SMC1B: variants seen among roughly 807,000 people sequenced by gnomAD.
The protein encoded by SMC1B is structural maintenance of chromosomes protein 1B.
Under a neutral mutation model 157.9 loss-of-function variants are expected in SMC1B, and 60 were observed. The ratio of observed to expected loss-of-function variants is 0.38; its 90% confidence interval spans 0.31 to 0.47. The LOEUF (loss-of-function observed/expected upper bound fraction) is 0.47, where lower values mean the gene tolerates loss of function less well. SMC1B is among the 20% of genes least tolerant of loss of function. SMC1B has a pLI of 0.99. For synonymous variants in SMC1B, 445 were observed against 483.0 expected (o/e 0.92, Z 1.03); for missense variants, 1,165 against 1,426.2 (o/e 0.82, Z 2.95).
At chr22:45,392,135 GAC>G (rs2087066389) in intron 9 of SMC1B, among the ~76,000 whole-genome samples, 2 of 152,080 alleles carry the variant, frequency 1.3e-5, no homozygotes, top group Admixed American at 1.3e-4. Context: ...TTTTAGTAGA[GAC>G]AGTGTTTCAC....
chr22:45,381,595 T>C (rs911132459), intron 12 of SMC1B, among the ~76,000 whole-genome samples: 1 of 152,312 alleles, frequency 6.6e-6, no homozygotes, highest in African/African-American at 2.4e-5. Context: ...CGAAGCCCTA[T>C]ATCAGCTTTT....
Position 45,354,080 on chromosome 22 carries a change from T to A in SMC1B, c.3171A>T (p.Gln1057His). ...EARLCRQEFE[Q>H]VKKRRYDLFT... is the part of the protein sequence containing the mutation. Reference sequence around the variant, plus strand: ...AAAGATCGTATCTCCTTTTTTTCACTTGCTCGAACTCTTGCCTACACAGTC... The same window carrying A: ...AAAGATCGTATCTCCTTTTTTTCACATGCTCGAACTCTTGCCTACACAGTC... The change falls in exon 21 of 25, where the codon CAA (glutamine) becomes CAT (histidine). Residue 1057 changes from glutamine (Q) to histidine (H), a missense_variant. By Grantham distance (24) the Gln-to-His change is conservative (BLOSUM62 0). Transcript: ENST00000357450. 6.2e-7 allele frequency: 1 copy of A among 1,603,024 alleles called. No homozygotes were observed. Among genetic ancestry groups the A allele is most frequent in the South Asian group, 1.1e-5 (1 of 88,632 alleles).
chr22:45,396,532 T>A, intron 6 of SMC1B, 46 bp from the exon 7 acceptor site: 1 of 1,547,846 alleles, frequency 6.5e-7, no homozygotes, highest in South Asian at 1.2e-5. Context: ...TTAAGAAGCA[T>A]GAGAGCAAAT....
At chr22:45,376,629 G>A (rs940631170) in intron 12 of SMC1B, among the ~76,000 whole-genome samples, 2 of 151,972 alleles carry the variant, frequency 1.3e-5, no homozygotes, top group Non-Finnish European at 2.9e-5. Flanking sequence ...TTTTTGAGAA[G>A]CCATCATACC....
intron 12 of SMC1B, 64 bp from the exon 13 acceptor site, chr22:45,372,356 C>A (rs998880988): frequency 2.2e-6 from 3 of 1,382,452 alleles, no homozygotes; most frequent in African/African-American, 2.9e-5. Context: ...TTTCAAAGTG[C>A]TTTCATATGT....
At position 45,344,547 on chromosome 22, in the gene SMC1B, G is replaced by C; in HGVS notation, c.*9C>G. ...GAACAGTGATCAGGTGACTGCTGCA[G>C]GACTGCCCCTAGCGGGACTCTCCGT... On this transcript the variant is annotated 3_prime_UTR_variant, in exon 25 of 25. Coordinates refer to ENST00000357450, the MANE Select transcript of SMC1B (RefSeq NM_148674.5). 6.3e-7 allele frequency: 1 copy of C among 1,598,106 alleles called. No homozygotes were observed. The highest frequency in any genetic ancestry group is 8.6e-7 in the Non-Finnish European group (1 of 1,165,518).
intron 1 of SMC1B, among the ~76,000 whole-genome samples, chr22:45,410,017 C>T (rs1180201179): frequency 6.6e-6 from 1 of 152,184 alleles, no homozygotes; most frequent in East Asian, 1.9e-4. Context: ...TAGTGAGGTT[C>T]CCTGGTGGGC....
intron 23 of SMC1B, among the ~76,000 whole-genome samples, chr22:45,345,909 C>T (rs1174793211): frequency 6.6e-6 from 1 of 152,054 alleles, no homozygotes; most frequent in Admixed American, 6.6e-5. Flanking sequence ...GGTATTTAAA[C>T]GTATAACCTC....
At chr22:45,353,943 A>G in intron 21 of SMC1B, 35 bp downstream of exon 21, 2 of 1,248,276 alleles carry the variant, frequency 1.6e-6, no homozygotes, top group Non-Finnish European at 2.2e-6. Context: ...GTAACACAGA[A>G]TTCTCACTAG....
Position 45,393,629 on chromosome 22 carries a change from A to T in SMC1B, c.1545+5T>A. The T allele has an allele frequency of 6.2e-7, 1 of 1,601,138 alleles. No individual in the cohort carries two copies. The highest frequency in any genetic ancestry group is 8.5e-7 in the Non-Finnish European group (1 of 1,175,352). ...TTGTTTAAATTAACTATTCATTCTCATTACCACAGAATCTGGGTACAGTCT... is the reference window on the plus strand; with the variant it reads ...TTGTTTAAATTAACTATTCATTCTCTTTACCACAGAATCTGGGTACAGTCT... On this transcript the variant is annotated splice_donor_5th_base_variant and intron_variant, in intron 9 of 24. Coordinates refer to ENST00000357450, the MANE Select transcript of SMC1B (RefSeq NM_148674.5).
intron 18 of SMC1B, among the ~76,000 whole-genome samples, chr22:45,359,185 G>C (rs1602052718): frequency 6.6e-6 from 1 of 152,346 alleles, no homozygotes; most frequent in South Asian, 2.1e-4. Context: ...TTTTAGATAA[G>C]AGATTTCAGC....
In SMC1B at chr22:45,406,436, G is replaced by A. The variant is rs750904953; in HGVS notation, c.615+24C>T. On this transcript the variant is annotated intron_variant, in intron 4 of 24. Coordinates refer to ENST00000357450, the MANE Select transcript of SMC1B (RefSeq NM_148674.5). ...GAAAGTTTTATATCCAACAACTAAT[G>A]GTTACATCTTCATGACATCTTACCT... 6 of 1,586,814 alleles carry A rather than the reference G, an allele frequency of 3.8e-6. No individual in the cohort carries two copies. In the Admixed American group the frequency reaches 1.1e-4, roughly 28 times the overall value.
At chr22:45,369,856 G>A (rs2086813948) in intron 15 of SMC1B, 98 bp downstream of exon 15, 1 of 766,492 alleles carries the variant, frequency 1.3e-6, no homozygotes, top group African/African-American at 1.8e-5. Flanking sequence ...GCTGTTTCTT[G>A]ATGAAATGAA....
Position 45,369,347 on chromosome 22 carries a change from C to T in SMC1B, c.2420+607G>A, listed in dbSNP as rs984490631. Among the ~76,000 whole-genome samples, 8 of 151,486 alleles carry T rather than the reference C, an allele frequency of 5.3e-5. No individual in the cohort carries two copies. In the East Asian group the frequency reaches 5.9e-4, roughly 11 times the overall value. Reference sequence around the variant, plus strand: ...TCCTGACCTCATGATCCGCCTGCCTCGGCCTCCCAAAGTGCTGGGATTACA... The same window carrying T: ...TCCTGACCTCATGATCCGCCTGCCTTGGCCTCCCAAAGTGCTGGGATTACA... On this transcript the variant is annotated intron_variant, in intron 15 of 24. Coordinates refer to ENST00000357450, the MANE Select transcript of SMC1B (RefSeq NM_148674.5).
At chr22:45,407,973 A>T (rs1027315150) in intron 2 of SMC1B, among the ~76,000 whole-genome samples, 1 of 152,160 alleles carries the variant, frequency 6.6e-6, no homozygotes, top group Non-Finnish European at 1.5e-5. Context: ...CAAACATTTC[A>T]CTCAAGTTGC....
rs376042042 is a variant in SMC1B at position 45,406,392 on chromosome 22, A to C, written c.615+68T>G. On this transcript the variant is annotated intron_variant, in intron 4 of 24. Coordinates refer to ENST00000357450, the MANE Select transcript of SMC1B (RefSeq NM_148674.5). ...ATCTTCTTGGTAAGCCCAAGCCCAT[A>C]CCTAGTGATTCTAACATAGAAAGTT... The C allele has an allele frequency of 1.0e-5, 13 of 1,301,232 alleles. No homozygotes were observed. The African/African-American group carries it at 1.2e-4, about 12-fold the overall frequency. 80.6% of individuals were successfully genotyped at this position (1,301,232 alleles called of 1,614,324 possible).
intron 13 of SMC1B, 41 bp from the exon 14 acceptor site, chr22:45,371,628 T>A (rs2086833226): frequency 1.3e-6 from 2 of 1,553,712 alleles, no homozygotes; most frequent in Admixed American, 2.1e-5. Flanking sequence ...ATGGCTGTTT[T>A]AGCTTTATAT....
chr22:45,406,831 A>G lies in SMC1B; in HGVS notation c.333T>C (p.Leu111=), dbSNP rs1031289412. The G allele has an allele frequency of 6.3e-7, 1 of 1,578,390 alleles. No homozygotes were observed. The highest frequency in any genetic ancestry group is 1.4e-5 in the African/African-American group (1 of 73,018). Residue 111 remains leucine (L), a synonymous_variant, in exon 3 of 25, where the codon CTT becomes CTC. Coordinates refer to ENST00000357450, the MANE Select transcript of SMC1B (RefSeq NM_148674.5). ...GCSEFRFNDN[L]VSRSVYIAEL... ...CTGCAATGTAAACAGAACGACTCAC[A>G]AGATTATCATTAAAGCGAAATTCTG...
Position 45,386,823 on chromosome 22 carries a change from T to C in SMC1B, c.1911+44A>G, listed in dbSNP as rs574907795. The C allele has an allele frequency of 8.4e-6, 13 of 1,544,804 alleles. No individual in the cohort carries two copies. The East Asian group carries it at 2.5e-4, about 30-fold the overall frequency. The stretch of plus-strand genomic sequence containing the variant: ...TTGTGTATGCTAGTCTTATAAATAC[T>C]ACTTCAACTTATCCAAAGGTGTGAT... On this transcript the variant is annotated intron_variant, in intron 11 of 24. Transcript: ENST00000357450.
Sources: allele counts gnomAD v4.1 joint callset (sites outside exome capture counted in the v4.1 genomes callset), GRCh38; gene constraint gnomAD v4.1.1; transcripts MANE v1.5; gene names NCBI Gene and HGNC (gene_info 2026-07-23, HGNC 2026-07-21).